The following PRKG1 variants were observed in gnomAD, a reference collection of about 807,000 sequenced individuals.
PRKG1 encodes the protein cGMP-dependent protein kinase 1.
In PRKG1, 35 loss-of-function variants were observed where a neutral mutation model predicts 88.1. The observed-to-expected ratio is 0.40, with a 90% CI of 0.30 to 0.53. The LOEUF (loss-of-function observed/expected upper bound fraction) is 0.53, where lower values mean the gene tolerates loss of function less well. Ranked by LOEUF, PRKG1 falls within the 20% of genes least tolerant of loss-of-function variation. The pLI, the probability that PRKG1 is intolerant of heterozygous loss-of-function variation, is 0.59. For missense variants in PRKG1, 540 were observed against 839.8 expected (o/e 0.64, Z 4.41); for synonymous variants, 303 against 292.5 (o/e 1.04, Z -0.37).
chr10:51,885,854 T>G (rs1290106660), intron 4 of PRKG1, among the ~76,000 whole-genome samples: 1 of 152,188 alleles, frequency 6.6e-6, no homozygotes, highest in Non-Finnish European at 1.5e-5. Context: ...ACCTCTTTCA[T>G]GAGACGTTAT....
chr10:51,719,104 T>C (rs1841953258), intron 3 of PRKG1, among the ~76,000 whole-genome samples: 1 of 151,826 alleles, frequency 6.6e-6, no homozygotes, highest in Admixed American at 6.6e-5. Flanking sequence ...GAGAAATGAT[T>C]GCAAGACTGC....
chr10:51,281,997 A>T (rs1363303092), intron 2 of PRKG1, among the ~76,000 whole-genome samples: 2 of 152,160 alleles, frequency 1.3e-5, no homozygotes, highest in Middle Eastern at 3.2e-3. Flanking sequence ...TCCCCAGATA[A>T]TTTCTAATGT....
At chr10:51,500,135 G>A (rs927559945) in intron 3 of PRKG1, among the ~76,000 whole-genome samples, 1 of 152,104 alleles carries the variant, frequency 6.6e-6, no homozygotes, top group Admixed American at 6.6e-5. Flanking sequence ...AAGATTAGAT[G>A]TATCCAAGTT....
intron 8 of PRKG1, among the ~76,000 whole-genome samples, chr10:52,140,455 C>T (rs948415964): frequency 2.0e-5 from 3 of 152,014 alleles, no homozygotes; most frequent in African/African-American, 7.2e-5. Flanking sequence ...GTAACTCTTT[C>T]GCATTGTATC....
chr10:51,298,446 G>C (rs183181433), intron 2 of PRKG1, among the ~76,000 whole-genome samples: 58 of 152,244 alleles, frequency 3.8e-4, no homozygotes, highest in Non-Finnish European at 2.9e-5. Context: ...CCATACTCCA[G>C]GTTCTTCCTT....
chr10:51,531,521 C>G (rs2132093837), intron 3 of PRKG1, among the ~76,000 whole-genome samples: 2 of 151,786 alleles, frequency 1.3e-5, no homozygotes, highest in Non-Finnish European at 2.9e-5. Flanking sequence ...TTATTTTAAA[C>G]TCTATATTTA....
At chr10:51,553,849 A>G (rs796103466) in intron 3 of PRKG1, among the ~76,000 whole-genome samples, 3,932 of 101,298 alleles carry the variant, frequency 0.039, 576 homozygotes, top group South Asian at 0.067. Flanking sequence ...TATGTATTAG[A>G]TACGTGTATA....
At chr10:52,290,122 T>A in intron 16 of PRKG1, 102 bp from the exon 17 acceptor site, 5 of 827,522 alleles carry the variant, frequency 6.0e-6, no homozygotes, top group Non-Finnish European at 9.3e-6. Flanking sequence ...CATGAAAATG[T>A]TTGCCTAACT....
intron 2 of PRKG1, among the ~76,000 whole-genome samples, chr10:51,388,139 A>T (rs1284875864): frequency 6.6e-6 from 1 of 152,204 alleles, no homozygotes; most frequent in Non-Finnish European, 1.5e-5. Context: ...TTCAAGCCAT[A>T]TATAAGACCG....
intron 5 of PRKG1, among the ~76,000 whole-genome samples, chr10:51,967,211 C>T (rs372902197): frequency 1.1e-3 from 170 of 152,160 alleles, no homozygotes; most frequent in African/African-American, 3.8e-3. Flanking sequence ...ACGTATATAC[C>T]AATGGAATAC....
At chr10:51,504,801 T>A (rs1440380305) in intron 3 of PRKG1, among the ~76,000 whole-genome samples, 3 of 152,188 alleles carry the variant, frequency 2.0e-5, no homozygotes, top group African/African-American at 7.2e-5. Context: ...AGAATGCTTG[T>A]GATTTTTGCA....
intron 3 of PRKG1, among the ~76,000 whole-genome samples, chr10:51,682,833 A>G (rs1167523656): frequency 6.6e-6 from 1 of 152,160 alleles, no homozygotes; most frequent in African/African-American, 2.4e-5. Flanking sequence ...AGCACTCTCA[A>G]TTCCCTTCAG....
intron 3 of PRKG1, among the ~76,000 whole-genome samples, chr10:51,736,396 G>A (rs912222475): frequency 6.6e-6 from 1 of 152,070 alleles, no homozygotes; most frequent in Non-Finnish European, 1.5e-5. Flanking sequence ...GATCACAGGC[G>A]TGAGCCACTG....
In PRKG1 at chr10:51,809,441, A is replaced by G. The variant is rs111241602; in HGVS notation, c.698+4751A>G. On this transcript the variant is annotated intron_variant, in intron 4 of 17. Coordinates refer to ENST00000373980, the MANE Select transcript of PRKG1 (RefSeq NM_006258.4). ...AAGACAGATTCTGAAAAATGAGCCA[A>G]ATAACTGCCAGAGTTAATTTGTGTT... 7.0e-3 allele frequency among the ~76,000 whole-genome samples: 1,068 copies of G among 152,348 alleles called. 8 individuals carry two copies. Among genetic ancestry groups the G allele is most frequent in the Non-Finnish European group, 0.011 (756 of 68,034 alleles).
intron 4 of PRKG1, among the ~76,000 whole-genome samples, chr10:51,851,306 T>C (rs202050451): frequency 6.6e-6 from 1 of 152,200 alleles, no homozygotes; most frequent in East Asian, 1.9e-4. Flanking sequence ...CATTTAGCAA[T>C]GTCTTGAGAT....
intron 2 of PRKG1, among the ~76,000 whole-genome samples, chr10:51,162,078 T>C (rs980393056): frequency 3.3e-5 from 5 of 152,368 alleles, no homozygotes; most frequent in Admixed American, 3.3e-4. Context: ...GATTTCTTTG[T>C]GGAGCTGGAT....
chr10:51,298,846 T>A (rs1840793539), intron 2 of PRKG1, among the ~76,000 whole-genome samples: 1 of 152,160 alleles, frequency 6.6e-6, no homozygotes, highest in African/African-American at 2.4e-5. Context: ...GCTAGGACAA[T>A]TCCTGGCACA....
rs369866932 is a variant in PRKG1, at chr10:51,500,998, G to A, written c.592+33162G>A. On this transcript the variant is annotated intron_variant, in intron 3 of 17. Transcript: ENST00000373980. The stretch of plus-strand genomic sequence containing the variant: ...GACCCAGGGAAGTTCTGAGCGCTAC[G>A]TTTCACATTATTTTGGTTCAAAAGT... Among the ~76,000 whole-genome samples, 18 of 152,172 alleles carry A rather than the reference G, an allele frequency of 1.2e-4. No individual in the cohort carries two copies. In the East Asian group the frequency reaches 1.7e-3, roughly 15 times the overall value.
intron 4 of PRKG1, among the ~76,000 whole-genome samples, chr10:51,887,125 A>G (rs1186544704): frequency 3.9e-5 from 6 of 152,090 alleles, no homozygotes; most frequent in East Asian, 1.9e-4. Flanking sequence ...AGCTGGCGCT[A>G]CAGGCATGCA....
Sources: allele counts gnomAD v4.1 joint callset (sites outside exome capture counted in the v4.1 genomes callset), GRCh38; gene constraint gnomAD v4.1.1; transcripts MANE v1.5; gene names NCBI Gene and HGNC (gene_info 2026-07-23, HGNC 2026-07-21).